HECW1: variants seen among roughly 807,000 people sequenced by gnomAD.
HECW1 encodes the protein E3 ubiquitin-protein ligase HECW1.
A neutral mutation model predicts 182.3 loss-of-function variants in HECW1; 61 were observed. That is an observed-to-expected ratio of 0.33 (90% confidence interval 0.27 to 0.41). The LOEUF (loss-of-function observed/expected upper bound fraction) is 0.41, where lower values mean the gene tolerates loss of function less well. Among genes scored for constraint, HECW1 ranks in the 10% least tolerant of loss-of-function variants. The probability of loss-of-function intolerance (pLI) is 1.00; values close to 1 mark genes in which losing one functional copy is unlikely to be tolerated. For synonymous variants in HECW1, 859 were observed against 832.6 expected, an observed-to-expected ratio of 1.03 and a Z score of -0.55; for missense variants, 1,739 against 2,108.9, an observed-to-expected ratio of 0.82 and a Z score of 3.44.
intron 7 of HECW1, among the ~76,000 whole-genome samples, chr7:43,400,679 A>C (rs896534072): frequency 6.6e-6 from 1 of 152,174 alleles, no homozygotes; most frequent in African/African-American, 2.4e-5. Flanking sequence ...GAGTTTTTTA[A>C]AGCTTGCAAA....
chr7:43,521,102 G>C (rs766465945), intron 24 of HECW1, among the ~76,000 whole-genome samples: 1 of 152,164 alleles, frequency 6.6e-6, no homozygotes, highest in East Asian at 1.9e-4. Context: ...TCACCAAAAG[G>C]ACATAAGAGT....
At chr7:43,555,273 C>T (rs897791421) in intron 29 of HECW1, among the ~76,000 whole-genome samples, 1 of 152,122 alleles carries the variant, frequency 6.6e-6, no homozygotes, top group African/African-American at 2.4e-5. Context: ...ATCTCTGGGT[C>T]TCTATGGTGA....
intron 7 of HECW1, among the ~76,000 whole-genome samples, chr7:43,399,045 C>CAGG (rs2075320650): frequency 6.6e-6 from 1 of 152,226 alleles, no homozygotes; most frequent in Admixed American, 6.5e-5. Context: ...ACATTATCTC[C>CAGG]AGGAGCAATT....
chr7:43,315,465 GTTATTA>G (rs58930495), intron 4 of HECW1, among the ~76,000 whole-genome samples: 12,084 of 131,062 alleles, frequency 0.092, 582 homozygotes, highest in Middle Eastern at 0.14. Context: ...CATTATTATT[GTTATTA>G]TTATTATTAT....
At chr7:43,304,757 G>T (rs972454942) in intron 3 of HECW1, among the ~76,000 whole-genome samples, 6 of 152,202 alleles carry the variant, frequency 3.9e-5, no homozygotes, top group Non-Finnish European at 7.4e-5. Flanking sequence ...GCCTCCCAAA[G>T]TGTTGGGATT....
At chr7:43,117,829 A>G (rs1306560670) in intron 2 of HECW1, 1 of 152,376 alleles carries the variant, frequency 6.6e-6, no homozygotes, top group Non-Finnish European at 1.5e-5. Flanking sequence ...GACAAAGATC[A>G]CTAAGCTCCT....
At chr7:43,366,339 T>A (rs1247269586) in intron 6 of HECW1, among the ~76,000 whole-genome samples, 1 of 152,126 alleles carries the variant, frequency 6.6e-6, no homozygotes, top group African/African-American at 2.4e-5. Flanking sequence ...GACAAATAAT[T>A]GATAAATACC....
chr7:43,361,050 G>GTGCA, intron 6 of HECW1, 70 bp downstream of exon 6: 2 of 834,078 alleles, frequency 2.4e-6, no homozygotes, highest in South Asian at 1.6e-5. Flanking sequence ...TTTTGTTCTT[G>GTGCA]TGCGTGCGTG....
At chr7:43,148,459 G>A (rs1033382857) in intron 2 of HECW1, among the ~76,000 whole-genome samples, 1 of 151,674 alleles carries the variant, frequency 6.6e-6, no homozygotes, top group Non-Finnish European at 1.5e-5. Context: ...CATTCTGCCA[G>A]ATGCTTTCCA....
intron 24 of HECW1, among the ~76,000 whole-genome samples, chr7:43,531,416 A>G (rs891355162): frequency 1.3e-5 from 2 of 152,328 alleles, no homozygotes; most frequent in Non-Finnish European, 1.5e-5. Flanking sequence ...TGAGTACCTT[A>G]GGATCTTCCT....
intron 2 of HECW1, among the ~76,000 whole-genome samples, chr7:43,135,063 G>A (rs1429357961): frequency 1.3e-5 from 2 of 151,908 alleles, no homozygotes; most frequent in Non-Finnish European, 2.9e-5. Flanking sequence ...TTCCCCCTGT[G>A]GTACTGTATT....
intron 4 of HECW1, among the ~76,000 whole-genome samples, chr7:43,315,259 A>C (rs1809061908): frequency 6.6e-6 from 1 of 152,176 alleles, no homozygotes; most frequent in Admixed American, 6.5e-5. Context: ...AAGCTGTATA[A>C]GGCACAAACA....
At chr7:43,173,178 A>G (rs1356972147) in intron 2 of HECW1, among the ~76,000 whole-genome samples, 2 of 152,242 alleles carry the variant, frequency 1.3e-5, no homozygotes, top group Non-Finnish European at 2.9e-5. Flanking sequence ...TTTCAGATGT[A>G]TGATACCATT....
At chr7:43,204,037 A>G (rs914764629) in intron 2 of HECW1, among the ~76,000 whole-genome samples, 2 of 152,238 alleles carry the variant, frequency 1.3e-5, no homozygotes, top group Non-Finnish European at 2.9e-5. Context: ...ATTGTTGCTT[A>G]GCAAGAATGC....
chr7:43,292,633 G>A (rs996579792), intron 3 of HECW1, among the ~76,000 whole-genome samples: 1 of 152,222 alleles, frequency 6.6e-6, no homozygotes, highest in African/African-American at 2.4e-5. Flanking sequence ...TGTGAGGAGA[G>A]GAGGACTGGG....
intron 2 of HECW1, among the ~76,000 whole-genome samples, chr7:43,129,597 GT>G (rs1207249333): frequency 6.6e-6 from 1 of 152,236 alleles, no homozygotes; most frequent in East Asian, 1.9e-4. Context: ...TATCTCTGAG[GT>G]ATGCTTATAT....
chr7:43,402,006 T>G (rs1343679944), intron 7 of HECW1, among the ~76,000 whole-genome samples: 1 of 151,708 alleles, frequency 6.6e-6, no homozygotes, highest in Non-Finnish European at 1.5e-5. Flanking sequence ...TTGGGGAAGG[T>G]CGAAGAGGAG....
chr7:43,547,884 G>A (rs1585263236), intron 26 of HECW1, among the ~76,000 whole-genome samples: 1 of 152,202 alleles, frequency 6.6e-6, no homozygotes, highest in South Asian at 2.1e-4. Flanking sequence ...AAACACAGTG[G>A]AAAATATTCA....
intron 5 of HECW1, among the ~76,000 whole-genome samples, chr7:43,332,498 G>A (rs78581037): frequency 6.6e-6 from 1 of 152,206 alleles, no homozygotes; most frequent in Non-Finnish European, 1.5e-5. Flanking sequence ...CAAGAATATG[G>A]GGCAGACAAG....
Sources: allele counts gnomAD v4.1 joint callset (sites outside exome capture counted in the v4.1 genomes callset), GRCh38; gene constraint gnomAD v4.1.1; transcripts MANE v1.5; gene names NCBI Gene and HGNC (gene_info 2026-07-23, HGNC 2026-07-21).